The following GGTA1 variants were observed in gnomAD, a reference collection of about 807,000 sequenced individuals.
GGTA1 encodes inactive N-acetyllactosaminide alpha-1,3-galactosyltransferase.
GGTA1 carries 5 observed loss-of-function variants against 2.6 expected under a neutral mutation model. The observed-to-expected ratio is 1.92, with a 90% CI of 1.00 to 4.04. The LOEUF is 4.04. Among genes scored for constraint, GGTA1 ranks in the 30% most tolerant of loss-of-function variants. The pLI is 0.00. For synonymous variants in GGTA1, 17 were observed against 5.0 expected (o/e 3.38, Z -3.19); for missense variants, 50 against 16.7 (o/e 2.99, Z -3.47).
chr9:121,457,256 G>A (rs2064919182), intron 5 of GGTA1, among the ~76,000 whole-genome samples: 1 of 152,154 alleles, frequency 6.6e-6, no homozygotes, highest in Non-Finnish European at 1.5e-5. Context: ...AATCCATTCT[G>A]GCCATGTGAG....
At chr9:121,491,478 C>T (rs960847339) in intron 1 of GGTA1, among the ~76,000 whole-genome samples, 1 of 152,194 alleles carries the variant, frequency 6.6e-6, no homozygotes, top group African/African-American at 2.4e-5. Flanking sequence ...CTACCCGGTT[C>T]CCCCTATAAC....
chr9:121,458,877 A>T (rs939349492), intron 5 of GGTA1, among the ~76,000 whole-genome samples: 3 of 152,032 alleles, frequency 2.0e-5, no homozygotes, highest in Non-Finnish European at 4.4e-5. Flanking sequence ...CTTAGAAGGG[A>T]CTTTGGGGAC....
intron 2 of GGTA1, among the ~76,000 whole-genome samples, chr9:121,464,704 A>G (rs2064989566): frequency 6.6e-6 from 1 of 152,244 alleles, no homozygotes; most frequent in Non-Finnish European, 1.5e-5. Flanking sequence ...AATAACTTGT[A>G]GTTCCCATCA....
intron 1 of GGTA1, among the ~76,000 whole-genome samples, chr9:121,498,297 T>C (rs1214597961): frequency 6.6e-6 from 1 of 152,208 alleles, no homozygotes; most frequent in African/African-American, 2.4e-5. Flanking sequence ...TATTCAGTCA[T>C]TGAGCACCTG....
intron 2 of GGTA1, among the ~76,000 whole-genome samples, chr9:121,463,731 A>G (rs1049195526): frequency 6.6e-6 from 1 of 152,134 alleles, no homozygotes; most frequent in Non-Finnish European, 1.5e-5. Flanking sequence ...GCTCTTTTAA[A>G]AAGAAGACAG....
At chr9:121,472,261 T>G (rs1828406452) in intron 1 of GGTA1, among the ~76,000 whole-genome samples, 1 of 152,262 alleles carries the variant, frequency 6.6e-6, no homozygotes, top group African/African-American at 2.4e-5. Context: ...CAAAAAATTC[T>G]GAATTCCAAC....
At chr9:121,492,214 G>A (rs1828883835) in intron 1 of GGTA1, among the ~76,000 whole-genome samples, 1 of 152,186 alleles carries the variant, frequency 6.6e-6, no homozygotes, top group South Asian at 2.1e-4. Flanking sequence ...TCCCTTGCAG[G>A]TTTTTGGTTG....
At chr9:121,492,812 G>C (rs937563558) in intron 1 of GGTA1, among the ~76,000 whole-genome samples, 15 of 151,992 alleles carry the variant, frequency 9.9e-5, no homozygotes, top group Non-Finnish European at 1.5e-4. Flanking sequence ...CTGAAGATGA[G>C]AGCACTGAGA....
chr9:121,477,613 T>G (rs1195701145), intron 1 of GGTA1, among the ~76,000 whole-genome samples: 4 of 143,276 alleles, frequency 2.8e-5, no homozygotes, highest in Non-Finnish European at 6.0e-5. Context: ...TCTTGCTCTG[T>G]CACCCAGGCT....
chr9:121,469,105 C>G (rs76992287), intron 1 of GGTA1, among the ~76,000 whole-genome samples: 2 of 152,098 alleles, frequency 1.3e-5, no homozygotes, highest in African/African-American at 4.8e-5. Flanking sequence ...ATTCCCTGAT[C>G]GCTGCGTGAA....
chr9:121,471,700 C>T (rs749640581), intron 1 of GGTA1, among the ~76,000 whole-genome samples: 1 of 152,142 alleles, frequency 6.6e-6, no homozygotes, highest in Admixed American at 6.5e-5. Context: ...CCTGAGATGA[C>T]GAGTTTGCTG....
chr9:121,450,963 C>A (rs1398677260), downstream of GGTA1, among the ~76,000 whole-genome samples: 1 of 152,062 alleles, frequency 6.6e-6, no homozygotes, highest in Non-Finnish European at 1.5e-5. Context: ...TAAGCCCCAC[C>A]TTGGCAAAGC....
chr9:121,496,757 A>G (rs12006456), intron 1 of GGTA1, among the ~76,000 whole-genome samples: 5,285 of 111,914 alleles, frequency 0.047, 292 homozygotes, highest in East Asian at 0.083. Context: ...AAAAAAAAAA[A>G]AGAGAGAGAG....
At chr9:121,497,334 C>T (rs916206909) in intron 1 of GGTA1, among the ~76,000 whole-genome samples, 4 of 152,178 alleles carry the variant, frequency 2.6e-5, no homozygotes, top group African/African-American at 9.7e-5. Flanking sequence ...AAAGCTGCCC[C>T]CTCCTTCGGT....
intron 1 of GGTA1, among the ~76,000 whole-genome samples, chr9:121,492,721 G>A (rs1228027995): frequency 2.0e-5 from 3 of 151,894 alleles, no homozygotes; most frequent in South Asian, 2.1e-4. Context: ...TGATCCGCCC[G>A]CCTCGGCCTC....
chr9:121,450,716 C>T (rs962692478), downstream of GGTA1, among the ~76,000 whole-genome samples: 9 of 152,138 alleles, frequency 5.9e-5, no homozygotes, highest in Non-Finnish European at 1.2e-4. Flanking sequence ...GGGTGGTTCA[C>T]CTAATCTAAT....
chr9:121,469,459 A>G (rs1589331712), intron 1 of GGTA1, among the ~76,000 whole-genome samples: 1 of 152,154 alleles, frequency 6.6e-6, no homozygotes, highest in Non-Finnish European at 1.5e-5. Flanking sequence ...GAGGGAGGAA[A>G]GGGAGCCACA....
In GGTA1 at chr9:121,445,070, T is replaced by A. The variant is rs2064846748; in HGVS notation, c.*2646A>T. 3 of 152,198 alleles carry A rather than the reference T, an allele frequency of 2.0e-5. No individual in the cohort carries two copies. The South Asian group carries it at 6.2e-4, about 32-fold the overall frequency. 9.4% of individuals were successfully genotyped at this position (152,198 alleles called of 1,614,324 possible). ...TAATAACGATTAACAAGATTATGAA[T>A]TTGTCCATTGGGGATTTAAACTTTA... On this transcript the variant is annotated 3_prime_UTR_variant and NMD_transcript_variant, in exon 8 of 8. Coordinates refer to the GGTA1 transcript ENST00000481534.
intron 7 of GGTA1, among the ~76,000 whole-genome samples, chr9:121,448,703 C>T (rs972512668): frequency 6.6e-6 from 1 of 152,120 alleles, no homozygotes; most frequent in African/African-American, 2.4e-5. Context: ...GCCAAAAGTA[C>T]AGAGTTCTCA....
Sources: gnomAD v4.1 joint callset for allele counts (sites outside exome capture counted in the v4.1 genomes callset) on GRCh38, gnomAD v4.1.1 for gene constraint, MANE v1.5 for transcripts, NCBI Gene and HGNC (gene_info 2026-07-23, HGNC 2026-07-21) for gene names.